The following HIVEP1 variants were observed in gnomAD, a reference collection of about 807,000 sequenced individuals.
HIVEP1 encodes HIVEP zinc finger 1.
HIVEP1 carries 36 observed loss-of-function variants against 180.0 expected under a neutral mutation model. That is an observed-to-expected ratio of 0.20 (90% CI 0.15 to 0.26). The LOEUF is 0.26. Ranked by LOEUF, HIVEP1 falls within the 10% of genes least tolerant of loss-of-function variation. The pLI is 1.00. For missense variants in HIVEP1, 3,143 were observed against 3,268.7 expected (o/e 0.96, Z 0.94); for synonymous variants, 1,239 against 1,239.0 (o/e 1.00, Z 0.00).
At chr6:12,167,561 T>TTGCATGTTATATA (rs1760735320), downstream of HIVEP1, among the ~76,000 whole-genome samples, 2 of 76,958 alleles carry the variant, frequency 2.6e-5, 1 homozygote, top group African/African-American at 1.1e-4. Flanking sequence ...TATGTATATA[T>TTGCATGTTATATA]TACATGCATG....
In HIVEP1 at chr6:12,121,688, G is replaced by A. The variant is rs200095122; in HGVS notation, c.1893G>A (p.Leu631=). The A allele has an allele frequency of 1.2e-6, 2 of 1,614,196 alleles. No homozygotes were observed. The highest frequency in any genetic ancestry group is 1.7e-6 in the Non-Finnish European group (2 of 1,180,046). ...ACCAGAAAGGCGACATGAATCCACT[G>A]GAAGGAAAGCAAGACTCTCACGTAG... ...NSHQKGDMNP[L]EGKQDSHVGT... The change falls in exon 4 of 9, where the codon CTG becomes CTA. Residue 631 remains leucine, a synonymous_variant. Transcript: ENST00000379388. This position sits in a 1 kb window ranked among gnomAD's most constrained non-coding sequence, Gnocchi z 5.3.
At chr6:12,096,608 G>T (rs1486208886) in intron 3 of HIVEP1, among the ~76,000 whole-genome samples, 2 of 151,598 alleles carry the variant, frequency 1.3e-5, no homozygotes, top group East Asian at 1.9e-4. Context: ...TTTCCAAGGG[G>T]TGAAAAATGG....
chr6:12,204,536 G>T, the HIVEP1 span, among the ~76,000 whole-genome samples: 1 of 152,030 alleles, frequency 6.6e-6, no homozygotes, highest in African/African-American at 2.4e-5. Context: ...AGAACCTTTG[G>T]TTTTTAACCT....
intron 2 of HIVEP1, among the ~76,000 whole-genome samples, chr6:12,076,079 A>G (rs960688651): frequency 1.3e-5 from 2 of 152,074 alleles, no homozygotes; most frequent in Non-Finnish European, 2.9e-5. Flanking sequence ...GTTATTTTTG[A>G]AAGGAACTGA....
At chr6:12,021,510 C>T (rs996306357) in intron 2 of HIVEP1, among the ~76,000 whole-genome samples, 3 of 152,164 alleles carry the variant, frequency 2.0e-5, no homozygotes, top group Admixed American at 2.0e-4. Context: ...ACAGACATGC[C>T]CTGGGTCTCC....
intron 3 of HIVEP1, among the ~76,000 whole-genome samples, chr6:12,095,206 T>C (rs1286754819): frequency 2.0e-5 from 3 of 151,892 alleles, no homozygotes; most frequent in Admixed American, 6.6e-5. Flanking sequence ...TGCCAACATC[T>C]GATTTTCATG....
rs181521422 is a variant in HIVEP1 at position 12,123,027 on chromosome 6, A to G, written c.3232A>G (p.Arg1078Gly). The change falls in exon 4 of 9, where the codon AGA (arginine) becomes GGA (glycine). Residue 1078 changes from arginine (R) to glycine (G), a missense_variant. Physicochemically the swap from Arg to Gly is moderately radical, Grantham distance 125 (BLOSUM62 -2). Around this residue, in one of 12 missense-constraint regions of HIVEP1, gnomAD observed 1,357 missense variants for 1,260.5 expected, o/e 1.08. Transcript: ENST00000379388. The part of the protein sequence containing the change: ...PSLPKHNVTI[R>G]SDQQHKNIQL... The stretch of plus-strand genomic sequence containing the variant: ...TTTGCCTAAACATAATGTTACCATA[A>G]GAAGTGACCAGCAGCATAAAAATAT... The G allele has an allele frequency of 1.9e-6, 3 of 1,614,230 alleles. No individual in the cohort carries two copies. Among genetic ancestry groups the G allele is most frequent in the East Asian group, 4.5e-5 (2 of 44,888 alleles).
downstream of HIVEP1, among the ~76,000 whole-genome samples, chr6:12,168,107 A>C (rs1193882724): frequency 9.0e-5 from 4 of 44,578 alleles, 1 homozygote; most frequent in East Asian, 2.7e-3. Flanking sequence ...ACACGTATAT[A>C]TGTATATTAT....
At chr6:12,180,313 G>A in the HIVEP1 span, among the ~76,000 whole-genome samples, 1 of 152,142 alleles carries the variant, frequency 6.6e-6, no homozygotes, top group Non-Finnish European at 1.5e-5. Context: ...CTGAATAAGA[G>A]CATTTTAAAT....
At chr6:12,207,169 G>A in the HIVEP1 span, among the ~76,000 whole-genome samples, 2 of 152,148 alleles carry the variant, frequency 1.3e-5, no homozygotes, top group African/African-American at 4.8e-5. Flanking sequence ...GTCGTCTGGT[G>A]AGGCACCTCG....
the HIVEP1 span, among the ~76,000 whole-genome samples, chr6:12,173,450 T>G: frequency 6.6e-6 from 1 of 152,170 alleles, no homozygotes; most frequent in Non-Finnish European, 1.5e-5. Context: ...AACTTGGAAA[T>G]GAAGGCGTTT....
At chr6:12,106,003 TACACATATATACATATATATACAC>T (rs1471931816) in intron 3 of HIVEP1, among the ~76,000 whole-genome samples, 21 of 151,486 alleles carry the variant, frequency 1.4e-4, no homozygotes, top group African/African-American at 3.9e-4. Context: ...CATATATATA[TACACATATATACATATATATACAC>T]ACACATATAT....
At chr6:12,008,253 T>C (rs1186854174), upstream of HIVEP1, 1 of 152,206 alleles carries the variant, frequency 6.6e-6, no homozygotes, top group Non-Finnish European at 1.5e-5. Flanking sequence ...TTGTTGCCTT[T>C]AGATTTTTAT....
Position 12,041,907 on chromosome 6 carries a change from C to T in HIVEP1, c.40+26239C>T, listed in dbSNP as rs1251765050. ...ATCTCCTGACCTTGTGATCCGCCCG[C>T]CTTGGCCTCCCAAAGTGCTGGGGTT... On this transcript the variant is annotated intron_variant, in intron 2 of 8. Coordinates refer to ENST00000379388, the MANE Select transcript of HIVEP1 (RefSeq NM_002114.4). 1.3e-5 allele frequency among the ~76,000 whole-genome samples: 2 copies of T among 151,876 alleles called. 1 individual carries two copies. The highest frequency in any genetic ancestry group is 4.9e-5 in the African/African-American group (2 of 41,226).
intron 2 of HIVEP1, among the ~76,000 whole-genome samples, chr6:12,081,016 G>A (rs1450999967): frequency 6.6e-6 from 1 of 151,976 alleles, no homozygotes; most frequent in African/African-American, 2.4e-5. Flanking sequence ...CTCCTATTCA[G>A]CCATCTGCTC....
At chr6:12,050,592 A>T (rs984939247) in intron 2 of HIVEP1, among the ~76,000 whole-genome samples, 20 of 150,228 alleles carry the variant, frequency 1.3e-4, no homozygotes, top group African/African-American at 3.8e-4. Context: ...TCTCAAAAAA[A>T]AAAAAATAAA....
intron 2 of HIVEP1, among the ~76,000 whole-genome samples, chr6:12,086,560 T>A (rs1201525555): frequency 6.6e-6 from 1 of 151,984 alleles, no homozygotes; most frequent in African/African-American, 2.4e-5. Context: ...CTCCCCTAAA[T>A]CAAGACTTAC....
chr6:12,121,775 A>T lies in HIVEP1; in HGVS notation c.1980A>T (p.Gly660=), dbSNP rs768313308. 43 of 1,614,066 alleles carry T rather than the reference A, an allele frequency of 2.7e-5. No individual in the cohort carries two copies. The highest frequency in any genetic ancestry group is 3.6e-5 in the Non-Finnish European group (43 of 1,180,038). ...QATDYSQEQQ[G]KLLSPRSLGS... is the part of the protein sequence containing the mutation. ...CCGATTACTCCCAAGAGCAGCAAGG[A>T]AAGCTCCTGAGTCCTCGAAGTTTAG... is the stretch of plus-strand genomic sequence containing the variant. Residue 660 remains glycine (G), a synonymous_variant, in exon 4 of 9, where the codon GGA becomes GGT. Transcript: ENST00000379388. This position sits in a 1 kb window ranked among gnomAD's most constrained non-coding sequence, Gnocchi z 5.3.
the HIVEP1 span, among the ~76,000 whole-genome samples, chr6:12,186,367 C>G: frequency 6.6e-6 from 1 of 151,334 alleles, no homozygotes; most frequent in African/African-American, 2.4e-5. Context: ...TATGCAATGT[C>G]TAGAAAAGAC....
Sources: allele counts gnomAD v4.1 joint callset (sites outside exome capture counted in the v4.1 genomes callset), GRCh38; gene constraint gnomAD v4.1.1; regional missense constraint gnomAD v4.1.1; non-coding constraint Gnocchi (gnomAD v3.1); transcripts MANE v1.5; gene names NCBI Gene and HGNC (gene_info 2026-07-23, HGNC 2026-07-21).